AKAP7: variants seen among roughly 807,000 people sequenced by gnomAD.
AKAP7 encodes the protein A kinase (PRKA) anchor protein 7.
In AKAP7, 39 loss-of-function variants were observed where a neutral mutation model predicts 39.5. The observed-to-expected ratio is 0.99, with a 90% confidence interval of 0.76 to 1.29. The LOEUF is 1.29. AKAP7 is among the 50% of genes most tolerant of loss of function. The probability of loss-of-function intolerance (pLI) is 0.00; values close to 1 mark genes in which losing one functional copy is unlikely to be tolerated. For missense variants in AKAP7, 414 were observed against 407.7 expected, an observed-to-expected ratio of 1.02 and a Z score of -0.13; for synonymous variants, 140 against 139.1, an observed-to-expected ratio of 1.01 and a Z score of -0.05.
At chr6:131,255,864 C>G (rs1350359325) in intron 7 of AKAP7, among the ~76,000 whole-genome samples, 1 of 152,208 alleles carries the variant, frequency 6.6e-6, no homozygotes, top group African/African-American at 2.4e-5. Context: ...TCTTCCTCCT[C>G]CTCCAAATCT....
chr6:131,243,335 T>G (rs1045599615), intron 7 of AKAP7, among the ~76,000 whole-genome samples: 1 of 152,174 alleles, frequency 6.6e-6, no homozygotes, highest in Non-Finnish European at 1.5e-5. Flanking sequence ...AGTGGGATAT[T>G]TAAACGATAG....
intron 1 of AKAP7, among the ~76,000 whole-genome samples, chr6:131,143,745 T>TTA (rs34209339): frequency 0.24 from 34,148 of 143,534 alleles, 4,736 homozygotes; most frequent in African/African-American, 0.35. Context: ...ATTCTTTTTT[T>TTA]TTTTTTATTT....
chr6:131,281,759 A>G lies in AKAP7; in HGVS notation c.*33A>G. ...ACGCAGGCCCCCATGTCTCTGTGCA[A>G]AGCCTCCCTGCTTCCCTCTGCTGAG... is the stretch of plus-strand genomic sequence containing the variant. On this transcript the variant is annotated 3_prime_UTR_variant, in exon 8 of 8. Coordinates refer to ENST00000431975, the MANE Select transcript of AKAP7 (RefSeq NM_016377.4). The surrounding 1 kb of genome is among the most constrained non-coding windows in gnomAD (Gnocchi z 4.0). The G allele has an allele frequency of 6.5e-7, 1 of 1,546,472 alleles. No individual in the cohort carries two copies. The highest frequency in any genetic ancestry group is 8.7e-7 in the Non-Finnish European group (1 of 1,147,446).
chr6:131,236,247 C>G (rs1585146964), intron 7 of AKAP7, among the ~76,000 whole-genome samples: 1 of 152,168 alleles, frequency 6.6e-6, no homozygotes, highest in Non-Finnish European at 1.5e-5. Flanking sequence ...GTGCTCTGTT[C>G]TGTTCCATTG....
chr6:131,179,802 G>A (rs929073937), intron 5 of AKAP7, among the ~76,000 whole-genome samples: 4 of 152,054 alleles, frequency 2.6e-5, no homozygotes, highest in African/African-American at 9.7e-5. Flanking sequence ...CTGGGAGGGC[G>A]AGGCTGCAGC....
At chr6:131,241,569 T>TTATATATA (rs761745804) in intron 7 of AKAP7, among the ~76,000 whole-genome samples, 12 of 96,252 alleles carry the variant, frequency 1.2e-4, no homozygotes, top group Non-Finnish European at 1.5e-4. Flanking sequence ...AGGACATAGA[T>TTATATATA]TATATATATG....
chr6:131,149,497 T>C (rs1179080814), intron 2 of AKAP7, among the ~76,000 whole-genome samples: 1 of 152,024 alleles, frequency 6.6e-6, no homozygotes, highest in Non-Finnish European at 1.5e-5. Flanking sequence ...TAGCGGGGCA[T>C]GGTGGCACGT....
rs1803800839 is a variant in AKAP7, at chr6:131,169,285, A to G, written c.589+12A>G. The G allele has an allele frequency of 3.7e-6, 6 of 1,612,842 alleles. No homozygotes were observed. The highest frequency in any genetic ancestry group is 1.3e-5 in the African/African-American group (1 of 74,880). ...TTTGGAGATAGCAGGTAAAACAGCAACACACTCATATGAAATCTTGTCTGT... is the reference window on the plus strand; with the variant it reads ...TTTGGAGATAGCAGGTAAAACAGCAGCACACTCATATGAAATCTTGTCTGT... On this transcript the variant is annotated intron_variant, in intron 5 of 7. Transcript: ENST00000431975.
chr6:131,134,881 T>C (rs1403258165), upstream of AKAP7, among the ~76,000 whole-genome samples: 1 of 152,196 alleles, frequency 6.6e-6, no homozygotes. Context: ...CCAATCCCAA[T>C]AGCATTCCGT....
intron 7 of AKAP7, among the ~76,000 whole-genome samples, chr6:131,272,208 G>C (rs886075036): frequency 1.3e-5 from 2 of 152,068 alleles, no homozygotes; most frequent in African/African-American, 4.8e-5. Flanking sequence ...AATCGATAGT[G>C]ATGTTTCCAC....
At chr6:131,259,155 C>G (rs1351961626) in intron 7 of AKAP7, among the ~76,000 whole-genome samples, 1 of 152,152 alleles carries the variant, frequency 6.6e-6, no homozygotes, top group Non-Finnish European at 1.5e-5. Context: ...ACTGTTTAAG[C>G]AAAAATATAA....
intron 5 of AKAP7, among the ~76,000 whole-genome samples, chr6:131,172,683 C>T (rs758519643): frequency 3.3e-5 from 5 of 152,214 alleles, no homozygotes; most frequent in Non-Finnish European, 7.4e-5. Context: ...CTGAGAAATA[C>T]ATTTCTAGAC....
intron 1 of AKAP7, 47 bp downstream of exon 1, chr6:131,135,829 G>A: frequency 8.2e-7 from 1 of 1,226,476 alleles, no homozygotes; most frequent in Non-Finnish European, 1.0e-6. Context: ...GACAGGAGCC[G>A]CGGGGGCCTG....
At chr6:131,217,569 T>C (rs548185609) in intron 6 of AKAP7, among the ~76,000 whole-genome samples, 6 of 152,152 alleles carry the variant, frequency 3.9e-5, no homozygotes, top group Non-Finnish European at 8.8e-5. Flanking sequence ...CATAGCTCTC[T>C]CTATAAATTA....
chr6:131,210,177 A>G (rs979664259), intron 6 of AKAP7, among the ~76,000 whole-genome samples: 1 of 152,236 alleles, frequency 6.6e-6, no homozygotes, highest in Non-Finnish European at 1.5e-5. Context: ...TTATACTTCC[A>G]TTTCTACATA....
chr6:131,216,900 C>G (rs750366080), intron 6 of AKAP7, among the ~76,000 whole-genome samples: 2 of 152,186 alleles, frequency 1.3e-5, no homozygotes, highest in Admixed American at 1.3e-4. Flanking sequence ...TTGCAACACC[C>G]ATAGCATGAT....
At chr6:131,227,666 T>C (rs1810292206) in intron 7 of AKAP7, among the ~76,000 whole-genome samples, 1 of 152,168 alleles carries the variant, frequency 6.6e-6, no homozygotes, top group South Asian at 2.1e-4. Flanking sequence ...GACATGGTGA[T>C]AGACCAGGAA....
intron 7 of AKAP7, among the ~76,000 whole-genome samples, chr6:131,278,219 C>G (rs1334741170): frequency 6.6e-6 from 1 of 152,136 alleles, no homozygotes; most frequent in East Asian, 1.9e-4. Flanking sequence ...TTTCTATACT[C>G]AAGACTGTCT....
At chr6:131,241,637 A>ATATATATATATGTGTGTGTGTG (rs1554217972) in intron 7 of AKAP7, among the ~76,000 whole-genome samples, 1 of 78,786 alleles carries the variant, frequency 1.3e-5, no homozygotes, top group Non-Finnish European at 3.0e-5. Flanking sequence ...GTATATATAT[A>ATATATATATATGTGTGTGTGTG]TGACAGTTAT....
Sources: allele counts gnomAD v4.1 joint callset (sites outside exome capture counted in the v4.1 genomes callset), GRCh38; gene constraint gnomAD v4.1.1; non-coding constraint Gnocchi (gnomAD v3.1); transcripts MANE v1.5; gene names NCBI Gene and HGNC (gene_info 2026-07-23, HGNC 2026-07-21).